DENND5B: variants seen among roughly 807,000 people sequenced by gnomAD.
DENND5B encodes the protein DENN domain-containing protein 5B.
Under a neutral mutation model 140.6 loss-of-function variants are expected in DENND5B, and 34 were observed. The ratio of observed to expected loss-of-function variants is 0.24; its 90% CI spans 0.18 to 0.32. The LOEUF (loss-of-function observed/expected upper bound fraction) is 0.32. Ranked by LOEUF, DENND5B falls within the 10% of genes least tolerant of loss-of-function variation. The pLI, the probability that DENND5B is intolerant of heterozygous loss-of-function variation, is 1.00. For missense variants in DENND5B, 1,142 were observed against 1,560.2 expected (o/e 0.73, Z 4.52); for synonymous variants, 551 against 562.1 (o/e 0.98, Z 0.28).
intron 1 of DENND5B, among the ~76,000 whole-genome samples, chr12:31,576,254 C>T (rs1016076748): frequency 6.6e-6 from 1 of 151,826 alleles, no homozygotes; most frequent in Non-Finnish European, 1.5e-5. Flanking sequence ...GAGTTCCAGA[C>T]CAGTCTGGCC....
intron 2 of DENND5B, among the ~76,000 whole-genome samples, chr12:31,481,853 T>G (rs992168894): frequency 1.3e-5 from 2 of 151,828 alleles, no homozygotes; most frequent in African/African-American, 4.8e-5. Context: ...AGGGGAGTGG[T>G]TTTCAAAGGG....
chr12:31,405,538 G>A (rs1942078999), intron 14 of DENND5B, among the ~76,000 whole-genome samples: 1 of 151,750 alleles, frequency 6.6e-6, no homozygotes, highest in Non-Finnish European at 1.5e-5. Flanking sequence ...ATGTATGTAT[G>A]TATGTATGTA....
At chr12:31,583,382 A>G (rs1415168264) in intron 1 of DENND5B, among the ~76,000 whole-genome samples, 2 of 151,742 alleles carry the variant, frequency 1.3e-5, no homozygotes, top group Admixed American at 1.3e-4. Flanking sequence ...GACTATAAAG[A>G]ATTTAGCACA....
intron 2 of DENND5B, among the ~76,000 whole-genome samples, chr12:31,484,125 A>T (rs1946194407): frequency 2.0e-5 from 3 of 152,104 alleles, no homozygotes; most frequent in Admixed American, 2.0e-4. Flanking sequence ...AAGTGCTGGG[A>T]TTACAGGTGT....
At chr12:31,398,099 C>G in intron 17 of DENND5B, 76 bp downstream of exon 17, 4 of 1,369,428 alleles carry the variant, frequency 2.9e-6, no homozygotes, top group Non-Finnish European at 3.0e-6. Flanking sequence ...CATTCATTAA[C>G]ACAACTGTTT....
At chr12:31,478,767 T>C (rs1482735022) in intron 3 of DENND5B, among the ~76,000 whole-genome samples, 1 of 152,172 alleles carries the variant, frequency 6.6e-6, no homozygotes, top group African/African-American at 2.4e-5. Flanking sequence ...ACAGGTACTA[T>C]TTTATAATTT....
intron 1 of DENND5B, among the ~76,000 whole-genome samples, chr12:31,584,701 C>T (rs761698573): frequency 9.9e-5 from 15 of 152,002 alleles, no homozygotes; most frequent in Non-Finnish European, 2.2e-4. Context: ...GTGGCACATG[C>T]CTGTGGTCTC....
rs181066422 is a variant in DENND5B at position 31,536,185 on chromosome 12, T to C, written c.128-40266A>G. 8.1e-4 allele frequency among the ~76,000 whole-genome samples: 123 copies of C among 152,264 alleles called. 1 individual carries two copies. The highest frequency in any genetic ancestry group is 2.8e-3 in the African/African-American group (116 of 41,540). Reference sequence around the variant, plus strand: ...GTTACCTGTACAGCCTGTGGAAACATAGGCCAATTAAACCTCTTTTATTTA... The same window carrying C: ...GTTACCTGTACAGCCTGTGGAAACACAGGCCAATTAAACCTCTTTTATTTA... On this transcript the variant is annotated intron_variant, in intron 1 of 20. Transcript: ENST00000389082.
At chr12:31,408,496 G>A (rs1336862718) in intron 14 of DENND5B, among the ~76,000 whole-genome samples, 1 of 151,274 alleles carries the variant, frequency 6.6e-6, no homozygotes, top group East Asian at 1.9e-4. Context: ...GTGTGGTGGG[G>A]CGTGCCTGTA....
chr12:31,457,071 C>T (rs962283144), intron 4 of DENND5B, among the ~76,000 whole-genome samples: 2 of 152,170 alleles, frequency 1.3e-5, no homozygotes, highest in African/African-American at 4.8e-5. Flanking sequence ...GAGTGAGACC[C>T]TGTCTAAAAA....
intron 1 of DENND5B, among the ~76,000 whole-genome samples, chr12:31,550,515 C>T (rs1949014098): frequency 6.6e-6 from 1 of 152,044 alleles, no homozygotes; most frequent in South Asian, 2.1e-4. Flanking sequence ...AATAGTGCCA[C>T]TATAAACATA....
chr12:31,409,476 T>TAA, intron 13 of DENND5B, 92 bp from the exon 14 acceptor site: 1 of 162,164 alleles, frequency 6.2e-6, no homozygotes, highest in Non-Finnish European at 7.3e-6. Flanking sequence ...CATTATGTCT[T>TAA]TTTTTTTTTT....
intron 1 of DENND5B, among the ~76,000 whole-genome samples, chr12:31,538,138 A>C (rs1158256448): frequency 6.6e-6 from 1 of 152,204 alleles, no homozygotes; most frequent in Non-Finnish European, 1.5e-5. Context: ...AATCTGTACC[A>C]AATGGACCTA....
At chr12:31,497,561 CATG>C (rs1432788680) in intron 1 of DENND5B, among the ~76,000 whole-genome samples, 8 of 151,204 alleles carry the variant, frequency 5.3e-5, no homozygotes, top group African/African-American at 1.9e-4. Flanking sequence ...AGGAAGAGTC[CATG>C]ATGTTTTTAA....
chr12:31,479,644 C>G lies in DENND5B; in HGVS notation c.849G>C (p.Leu283=), dbSNP rs1945978064. 1 of 1,546,182 alleles carries G rather than the reference C, an allele frequency of 6.5e-7. No individual in the cohort carries two copies. Among genetic ancestry groups the G allele is most frequent in the Non-Finnish European group, 8.7e-7 (1 of 1,148,640 alleles). ...EAFELLGLEN[L]VQVFTCVLLE... is the part of the protein sequence containing the mutation. ...AAAGAACACAGGTAAACACCTGCAC[C>G]AGGTTCTCTAATCCCAGGAGCTCAA... The change falls in exon 3 of 21, where the codon CTG becomes CTC. Residue 283 remains leucine (L), a synonymous_variant. Transcript: ENST00000389082.
At chr12:31,574,192 G>A (rs1949920839) in intron 1 of DENND5B, among the ~76,000 whole-genome samples, 1 of 151,386 alleles carries the variant, frequency 6.6e-6, no homozygotes, top group East Asian at 1.9e-4. Flanking sequence ...GAGCCCGGGA[G>A]ATCGAGGCTG....
intron 3 of DENND5B, chr12:31,465,032 A>G (rs1016912478): frequency 6.6e-6 from 1 of 152,270 alleles, no homozygotes. Context: ...TATACAATAA[A>G]AACATACTGT....
At chr12:31,425,661 G>T (rs1220049525) in intron 9 of DENND5B, among the ~76,000 whole-genome samples, 3 of 152,170 alleles carry the variant, frequency 2.0e-5, no homozygotes, top group African/African-American at 4.8e-5. Flanking sequence ...AGAGAATCTA[G>T]CTCTTTTAGG....
At chr12:31,587,489 G>A (rs910477072) in intron 1 of DENND5B, among the ~76,000 whole-genome samples, 2 of 135,946 alleles carry the variant, frequency 1.5e-5, no homozygotes, top group African/African-American at 5.5e-5. Flanking sequence ...CCTTCCTGCT[G>A]CTTCACCAAG....
Sources: allele counts gnomAD v4.1 joint callset (sites outside exome capture counted in the v4.1 genomes callset), GRCh38; gene constraint gnomAD v4.1.1; transcripts MANE v1.5; gene names NCBI Gene and HGNC (gene_info 2026-07-23, HGNC 2026-07-21).